TRPC1: variants seen among roughly 807,000 people sequenced by gnomAD.
TRPC1 encodes the protein transient receptor potential cation channel subfamily C member 1.
TRPC1 carries 42 observed loss-of-function variants against 88.2 expected under a neutral mutation model. The observed-to-expected ratio is 0.48, with a 90% confidence interval of 0.37 to 0.62. TRPC1 has a LOEUF of 0.62. Ranked by LOEUF, TRPC1 falls within the 20% of genes least tolerant of loss-of-function variation. The pLI is 0.00. For synonymous variants in TRPC1, 288 were observed against 331.8 expected, an observed-to-expected ratio of 0.87 and a Z score of 1.43; for missense variants, 699 against 957.3, an observed-to-expected ratio of 0.73 and a Z score of 3.56.
intron 12 of TRPC1, 118 bp downstream of exon 12, chr3:142,804,748 C>A: frequency 4.7e-6 from 4 of 850,256 alleles, no homozygotes; most frequent in Non-Finnish European, 7.2e-6. Flanking sequence ...GACTTTTTTT[C>A]ACTGCTATAT....
At position 142,767,490 on chromosome 3, in the gene TRPC1, C is replaced by CT. The variant is rs147954326; in HGVS notation, c.633-10135dup. On this transcript the variant is annotated intron_variant, in intron 4 of 12. Coordinates refer to ENST00000476941, the MANE Select transcript of TRPC1 (RefSeq NM_001251845.2). This position sits in a 1 kb window ranked among gnomAD's most constrained non-coding sequence, Gnocchi z 5.1. ...CATATCAGGGAGTTTCCTAGATTTC[C>CT]TTTTTTTGGTGATTTCTACTTTAAT... Among the ~76,000 whole-genome samples, 10,591 of 150,636 alleles carry CT rather than the reference C, an allele frequency of 0.07. 1,213 individuals are homozygous for CT. The highest frequency in any genetic ancestry group is 0.24 in the African/African-American group (9,782 of 41,170).
At chr3:142,762,050 T>C (rs1233020094) in intron 4 of TRPC1, among the ~76,000 whole-genome samples, 3 of 152,166 alleles carry the variant, frequency 2.0e-5, no homozygotes, top group Non-Finnish European at 4.4e-5. Context: ...GTTTTTGGTT[T>C]TTTGAGACAG....
In TRPC1 at chr3:142,724,875, TCTC is replaced by T. The variant is rs200026678; in HGVS notation, c.172+148_172+150del. 2,180 of 955,374 alleles carry T rather than the reference TCTC, an allele frequency of 2.3e-3. 35 individuals are homozygous for T. In the African/African-American group the frequency reaches 0.028, roughly 12 times the overall value. 59.2% of individuals were successfully genotyped at this position (955,374 alleles called of 1,614,324 possible). A position where few individuals can be genotyped will look rare whatever the true frequency, so the allele number is the denominator to read the frequency against. On this transcript the variant is annotated intron_variant, in intron 1 of 12. Coordinates refer to ENST00000476941, the MANE Select transcript of TRPC1 (RefSeq NM_001251845.2). This position sits in a 1 kb window ranked among gnomAD's most constrained non-coding sequence, Gnocchi z 5.6. ...CCTCGCCTGCTGCCTCAGGCGGTCTTCTCCTCACCGCCTCTGCCCTGTGAGTGT... is the reference window on the plus strand; with the variant it reads ...CCTCGCCTGCTGCCTCAGGCGGTCTTCTCACCGCCTCTGCCCTGTGAGTGT...
intron 1 of TRPC1, among the ~76,000 whole-genome samples, chr3:142,727,644 G>A (rs149824433): frequency 4.4e-4 from 67 of 152,234 alleles, no homozygotes; most frequent in African/African-American, 1.6e-3. Context: ...TTAATTGAAA[G>A]TTACTGTGCC....
At chr3:142,805,939 T>C (rs1936779724) in intron 12 of TRPC1, 69 bp from the exon 13 acceptor site, 3 of 1,376,842 alleles carry the variant, frequency 2.2e-6, no homozygotes, top group Admixed American at 4.0e-5. Flanking sequence ...TCTGTGAATA[T>C]ATTTTTGAAC....
intron 9 of TRPC1, among the ~76,000 whole-genome samples, chr3:142,795,457 A>G (rs1290121378): frequency 6.6e-6 from 1 of 152,052 alleles, no homozygotes; most frequent in Non-Finnish European, 1.5e-5. Context: ...AAAATCTTCA[A>G]AGCAAACAGA....
intron 3 of TRPC1, among the ~76,000 whole-genome samples, chr3:142,744,955 A>G (rs1934489529): frequency 6.6e-6 from 1 of 152,204 alleles, no homozygotes; most frequent in African/African-American, 2.4e-5. Context: ...GAGAATTATA[A>G]ATTGGTTGTT....
At chr3:142,800,322 A>G (rs1001487310) in intron 9 of TRPC1, among the ~76,000 whole-genome samples, 1 of 152,136 alleles carries the variant, frequency 6.6e-6, no homozygotes, top group Non-Finnish European at 1.5e-5. Context: ...TGGTCTAGTC[A>G]AAAGCACAAG....
intron 4 of TRPC1, among the ~76,000 whole-genome samples, chr3:142,773,872 T>C (rs1935667442): frequency 6.6e-6 from 1 of 151,130 alleles, no homozygotes; most frequent in African/African-American, 2.4e-5. Context: ...GAACATCTAG[T>C]ATTTGTTTGT....
chr3:142,780,094 C>T (rs1048944908), intron 5 of TRPC1, among the ~76,000 whole-genome samples: 18 of 152,212 alleles, frequency 1.2e-4, no homozygotes, highest in East Asian at 9.7e-4. Flanking sequence ...GGTGATCACC[C>T]GCCTTGGCCT....
In TRPC1 at chr3:142,724,526, C is replaced by A; in HGVS notation, c.-34C>A. 1 of 1,489,094 alleles carries A rather than the reference C, an allele frequency of 6.7e-7. No homozygotes were observed. Among genetic ancestry groups the A allele is most frequent in the Non-Finnish European group, 8.9e-7 (1 of 1,126,216 alleles). 92.2% of individuals were successfully genotyped at this position (1,489,094 alleles called of 1,614,324 possible). On this transcript the variant is annotated 5_prime_UTR_variant, in exon 1 of 13. Transcript: ENST00000476941. This position sits in a 1 kb window ranked among gnomAD's most constrained non-coding sequence, Gnocchi z 5.6. ...GGTCGGGGCCGGTGGGGGCCCCGCC[C>A]CCGTCTCCTGGCCTGCCCCCTTCAT...
chr3:142,786,757 A>G (rs1936146630), intron 7 of TRPC1, among the ~76,000 whole-genome samples: 1 of 152,138 alleles, frequency 6.6e-6, no homozygotes, highest in Non-Finnish European at 1.5e-5. Flanking sequence ...CATTTAAACT[A>G]TTTCTGATTG....
chr3:142,793,928 C>G, intron 9 of TRPC1: 7 of 980,856 alleles, frequency 7.1e-6, no homozygotes, highest in Non-Finnish European at 8.5e-6. Context: ...GTGTGGCTCT[C>G]TTAACCAAGT....
intron 1 of TRPC1, among the ~76,000 whole-genome samples, chr3:142,727,020 C>T (rs1197935406): frequency 2.0e-5 from 3 of 152,218 alleles, no homozygotes; most frequent in Non-Finnish European, 2.9e-5. Flanking sequence ...TGGCATTTAT[C>T]TTGAGCCTGC....
At chr3:142,771,990 C>A (rs1935593885) in intron 4 of TRPC1, among the ~76,000 whole-genome samples, 1 of 152,180 alleles carries the variant, frequency 6.6e-6, no homozygotes, top group South Asian at 2.1e-4. Flanking sequence ...TGAGTATGTT[C>A]TCTCACTGCC....
chr3:142,731,845 A>G (rs1405957355), intron 1 of TRPC1, among the ~76,000 whole-genome samples: 3 of 152,098 alleles, frequency 2.0e-5, no homozygotes, highest in Non-Finnish European at 4.4e-5. Context: ...TATATTTCAA[A>G]TGGTTAAAAA....
At chr3:142,793,211 T>C (rs1257409295) in intron 9 of TRPC1, among the ~76,000 whole-genome samples, 3 of 152,036 alleles carry the variant, frequency 2.0e-5, no homozygotes, top group Admixed American at 6.6e-5. Context: ...CCCCACTTCA[T>C]AGACATAGAT....
chr3:142,782,488 C>T (rs1935994261), intron 6 of TRPC1, among the ~76,000 whole-genome samples: 1 of 152,162 alleles, frequency 6.6e-6, no homozygotes, highest in South Asian at 2.1e-4. Context: ...TAAAACACTT[C>T]ATAGTTATTT....
At chr3:142,749,332 G>A (rs973850561) in intron 4 of TRPC1, among the ~76,000 whole-genome samples, 4 of 151,932 alleles carry the variant, frequency 2.6e-5, no homozygotes, top group African/African-American at 9.7e-5. Context: ...ACTGTTACTG[G>A]TTTATATATT....
Sources: gnomAD v4.1 joint callset for allele counts (sites outside exome capture counted in the v4.1 genomes callset) on GRCh38, gnomAD v4.1.1 for gene constraint, Gnocchi (gnomAD v3.1) non-coding constraint, MANE v1.5 for transcripts, NCBI Gene and HGNC (gene_info 2026-07-23, HGNC 2026-07-21) for gene names.